Variants in XXYLT1 observed in about 807,000 individuals in gnomAD.
The protein encoded by XXYLT1 is xyloside xylosyltransferase 1.
A neutral mutation model predicts 28.9 loss-of-function variants in XXYLT1; 20 were observed. The ratio of observed to expected loss-of-function variants is 0.69; its 90% confidence interval spans 0.49 to 1.00. XXYLT1 has a LOEUF of 1.00. Ranked by LOEUF, XXYLT1 falls within the 50% of genes least tolerant of loss-of-function variation. XXYLT1 has a pLI of 0.00. For missense variants in XXYLT1, 542 were observed against 560.1 expected (o/e 0.97, Z 0.33); for synonymous variants, 257 against 253.8 (o/e 1.01, Z -0.12).
At position 195,124,077 on chromosome 3, in the gene XXYLT1, C is replaced by G. The variant is rs1048066748; in HGVS notation, c.785+32372G>C. On this transcript the variant is annotated intron_variant, in intron 3 of 3. Coordinates refer to ENST00000310380, the MANE Select transcript of XXYLT1 (RefSeq NM_152531.5). This position sits in a 1 kb window ranked among gnomAD's most constrained non-coding sequence, Gnocchi z 4.1. ...TCTAGAAGAGGGGGAATAAAATGTA[C>G]GTATTTCTCAAACTTACTTGATCAT... Among the ~76,000 whole-genome samples the G allele has an allele frequency of 6.6e-6, 1 of 152,212 alleles. No homozygotes were observed. Among genetic ancestry groups the G allele is most frequent in the African/African-American group, 2.4e-5 (1 of 41,446 alleles).
intron 3 of XXYLT1, among the ~76,000 whole-genome samples, chr3:195,088,373 G>A (rs1310976474): frequency 1.4e-5 from 2 of 147,290 alleles, no homozygotes; most frequent in African/African-American, 2.4e-5. Context: ...GTGGGTCCCT[G>A]ACCCCTGACC....
In XXYLT1 at chr3:195,129,673, T is replaced by C. The variant is rs1335093640; in HGVS notation, c.785+26776A>G. ...TTGGCTATTATGAATAATGCTGATA[T>C]GAATGTTCATTTGCATGTTAGTGTG... On this transcript the variant is annotated intron_variant, in intron 3 of 3. Transcript: ENST00000310380. The surrounding 1 kb of genome is among the most constrained non-coding windows in gnomAD (Gnocchi z 4.4). Among the ~76,000 whole-genome samples, 1 of 152,234 alleles carries C rather than the reference T, an allele frequency of 6.6e-6. No homozygotes were observed. Among genetic ancestry groups the C allele is most frequent in the East Asian group, 1.9e-4 (1 of 5,206 alleles).
At chr3:195,147,973 A>G (rs2108661422) in intron 3 of XXYLT1, 1 of 152,314 alleles carries the variant, frequency 6.6e-6, no homozygotes. Flanking sequence ...CAGACACAGG[A>G]AGCTTTTCAC....
intron 3 of XXYLT1, among the ~76,000 whole-genome samples, chr3:195,110,501 TGGTG>T (rs1717577676): frequency 4.2e-5 from 1 of 23,858 alleles, no homozygotes. Context: ...TATGTGTGCA[TGGTG>T]TGTGGTGTAT....
intron 3 of XXYLT1, among the ~76,000 whole-genome samples, chr3:195,143,874 A>T (rs1203483729): frequency 3.7e-5 from 4 of 107,576 alleles, no homozygotes; most frequent in East Asian, 4.3e-4. Flanking sequence ...AGATATAGAT[A>T]TATATATATA....
intron 3 of XXYLT1, among the ~76,000 whole-genome samples, chr3:195,083,758 G>A (rs1364339008): frequency 6.6e-6 from 1 of 152,216 alleles, no homozygotes; most frequent in Non-Finnish European, 1.5e-5. Context: ...GTGCACAGTG[G>A]CTCATGCCGC....
chr3:195,113,769 G>A (rs1717902861), intron 3 of XXYLT1, among the ~76,000 whole-genome samples: 1 of 151,626 alleles, frequency 6.6e-6, no homozygotes, highest in African/African-American at 2.4e-5. Context: ...AAGGGGTGTG[G>A]CCAGGAGAAA....
intron 3 of XXYLT1, among the ~76,000 whole-genome samples, chr3:195,110,306 A>ATAGG (rs755666099): frequency 1.5e-4 from 1 of 6,570 alleles, no homozygotes; most frequent in Non-Finnish European, 2.7e-4. Context: ...TGTGTGGTAT[A>ATAGG]TGTGTGTGTG....
intron 2 of XXYLT1, among the ~76,000 whole-genome samples, chr3:195,225,499 T>C (rs1444814597): frequency 1.3e-5 from 2 of 152,202 alleles, no homozygotes; most frequent in African/African-American, 2.4e-5. Flanking sequence ...CTCCACCATA[T>C]GGCCCACTGT....
Position 195,240,557 on chromosome 3 carries a change from G to A in XXYLT1, c.505-13701C>T, listed in dbSNP as rs1199267703. Among the ~76,000 whole-genome samples the A allele has an allele frequency of 3.9e-5, 6 of 152,362 alleles. No homozygotes were observed. The East Asian group carries it at 9.6e-4, about 24-fold the overall frequency. On this transcript the variant is annotated intron_variant, in intron 1 of 3. Coordinates refer to ENST00000310380, the MANE Select transcript of XXYLT1 (RefSeq NM_152531.5). The surrounding 1 kb of genome is among the most constrained non-coding windows in gnomAD (Gnocchi z 4.7). ...GGCACGTGGCAAGGGCTGGCCCCAC[G>A]CACGGAAAGATGCCAGGTTTCCCGG... is the stretch of plus-strand genomic sequence containing the variant.
intron 3 of XXYLT1, among the ~76,000 whole-genome samples, chr3:195,081,899 C>A (rs1343735508): frequency 2.0e-5 from 3 of 152,162 alleles, no homozygotes; most frequent in Non-Finnish European, 4.4e-5. Context: ...CTGCTGGGCG[C>A]TCGGTTCCTA....
At chr3:195,125,784 T>C (rs1461933936) in intron 3 of XXYLT1, among the ~76,000 whole-genome samples, 1 of 152,234 alleles carries the variant, frequency 6.6e-6, no homozygotes, top group Non-Finnish European at 1.5e-5. Flanking sequence ...GAGGCCCTGC[T>C]GGCGCCAACC....
Position 195,252,894 on chromosome 3 carries a change from C to T in XXYLT1, c.504+17661G>A, listed in dbSNP as rs118043756. Reference sequence around the variant, plus strand: ...GGGCAGGGGCGGCGAGGCGGGGAGGCGTTTATGGCATACGCCACCGCAGGT... The same window carrying T: ...GGGCAGGGGCGGCGAGGCGGGGAGGTGTTTATGGCATACGCCACCGCAGGT... On this transcript the variant is annotated intron_variant, in intron 1 of 3. Transcript: ENST00000310380. Among the ~76,000 whole-genome samples, 263 of 152,176 alleles carry T rather than the reference C, an allele frequency of 1.7e-3. 9 individuals carry two copies. In the East Asian group the frequency reaches 0.027, roughly 16 times the overall value.
chr3:195,073,573 A>G (rs1321223129), intron 3 of XXYLT1, among the ~76,000 whole-genome samples: 1 of 152,026 alleles, frequency 6.6e-6, no homozygotes, highest in African/African-American at 2.4e-5. Flanking sequence ...CCTGTCTTCC[A>G]TAGTCACCTG....
intron 3 of XXYLT1, chr3:195,152,106 C>G (rs1720304646): frequency 6.6e-6 from 1 of 152,376 alleles, no homozygotes; most frequent in Non-Finnish European, 1.5e-5. Context: ...GCTATTTCCT[C>G]CACATCAAGC....
rs1024829948 is a variant in XXYLT1 at position 195,133,399 on chromosome 3, A to G, written c.785+23050T>C. 6.6e-6 allele frequency among the ~76,000 whole-genome samples: 1 copy of G among 152,168 alleles called. No individual in the cohort carries two copies. The highest frequency in any genetic ancestry group is 2.4e-5 in the African/African-American group (1 of 41,436). On this transcript the variant is annotated intron_variant, in intron 3 of 3. Coordinates refer to ENST00000310380, the MANE Select transcript of XXYLT1 (RefSeq NM_152531.5). This position sits in a 1 kb window ranked among gnomAD's most constrained non-coding sequence, Gnocchi z 4.4. ...TTTCTTCTCAAGTAAGAAGGAAAAC[A>G]CTGGAGAATTCAATAGGTGTCCAAG...
At chr3:195,114,065 G>A (rs1283045701) in intron 3 of XXYLT1, among the ~76,000 whole-genome samples, 4 of 152,192 alleles carry the variant, frequency 2.6e-5, no homozygotes, top group Admixed American at 2.6e-4. Context: ...GGTCACAAAC[G>A]CCTTGAGTGC....
rs1439382651 is a variant in XXYLT1 at position 195,133,802 on chromosome 3, C to T, written c.785+22647G>A. 2.0e-5 allele frequency among the ~76,000 whole-genome samples: 3 copies of T among 152,176 alleles called. No individual in the cohort carries two copies. The highest frequency in any genetic ancestry group is 6.5e-5 in the Admixed American group (1 of 15,284). On this transcript the variant is annotated intron_variant, in intron 3 of 3. Coordinates refer to ENST00000310380, the MANE Select transcript of XXYLT1 (RefSeq NM_152531.5). This position sits in a 1 kb window ranked among gnomAD's most constrained non-coding sequence, Gnocchi z 4.4. ...CCTAGTGACGTCTTGGGGATCCTGA[C>T]CCTGTGCAGGCCTAGGCTGATGTAT...
At chr3:195,202,242 C>A (rs192851666) in intron 2 of XXYLT1, among the ~76,000 whole-genome samples, 9 of 152,168 alleles carry the variant, frequency 5.9e-5, no homozygotes, top group African/African-American at 2.2e-4. Context: ...AGCACTGAAC[C>A]CCACTTTGCT....
Sources: allele counts gnomAD v4.1 joint callset (sites outside exome capture counted in the v4.1 genomes callset), GRCh38; gene constraint gnomAD v4.1.1; non-coding constraint Gnocchi (gnomAD v3.1); transcripts MANE v1.5; gene names NCBI Gene and HGNC (gene_info 2026-07-23, HGNC 2026-07-21).